KAZN: variants seen among roughly 807,000 people sequenced by gnomAD.
KAZN encodes kazrin.
KAZN carries 40 observed loss-of-function variants against 87.4 expected under a neutral mutation model. The observed-to-expected ratio is 0.46, with a 90% CI of 0.36 to 0.60. The LOEUF (loss-of-function observed/expected upper bound fraction) is 0.60. KAZN is among the 20% of genes least tolerant of loss of function. The pLI is 0.00. For synonymous variants in KAZN, 466 were observed against 458.3 expected, an observed-to-expected ratio of 1.02 and a Z score of -0.22; for missense variants, 898 against 1,073.9, an observed-to-expected ratio of 0.84 and a Z score of 2.29.
rs1557901982 is a variant in KAZN, at chr1:14,704,339, T to C, written c.226+105116T>C. Among the ~76,000 whole-genome samples the C allele has an allele frequency of 2.0e-5, 3 of 152,302 alleles. No individual in the cohort carries two copies. In the East Asian group the frequency reaches 5.8e-4, roughly 29 times the overall value. On this transcript the variant is annotated intron_variant, in intron 1 of 14. Coordinates refer to ENST00000376030, the MANE Select transcript of KAZN (RefSeq NM_201628.3). Reference sequence around the variant, plus strand: ...CTAGACCTTCCATCATACCATGAGGTCAAATATAACATCTCTGGAAGGGAC... The same window carrying C: ...CTAGACCTTCCATCATACCATGAGGCCAAATATAACATCTCTGGAAGGGAC...
intron 1 of KAZN, among the ~76,000 whole-genome samples, chr1:14,918,675 CAAAAAAAAAAAAAA>C (rs1158537283): frequency 2.2e-4 from 8 of 37,066 alleles, no homozygotes; most frequent in African/African-American, 6.0e-4. Flanking sequence ...GACTCCATCT[CAAAAAAAAAAAAAA>C]AAAAAAAAAA....
chr1:15,069,357 A>G (rs1557777397), intron 8 of KAZN, among the ~76,000 whole-genome samples: 1 of 152,230 alleles, frequency 6.6e-6, no homozygotes, highest in African/African-American at 2.4e-5. Context: ...CATGCGGGAC[A>G]TATGGCAAAA....
chr1:14,473,493 G>C (rs1668559411), intron 2 of KAZN, among the ~76,000 whole-genome samples: 1 of 152,056 alleles, frequency 6.6e-6, no homozygotes, highest in Admixed American at 6.6e-5. Context: ...TGGGCATGGT[G>C]GCATATGCCT....
At chr1:14,810,252 T>G (rs1229498799) in intron 1 of KAZN, among the ~76,000 whole-genome samples, 1 of 152,084 alleles carries the variant, frequency 6.6e-6, no homozygotes, top group Non-Finnish European at 1.5e-5. Context: ...CTGAACACCT[T>G]TCCTAAGGGA....
At chr1:14,859,156 G>A (rs1190821912) in intron 1 of KAZN, among the ~76,000 whole-genome samples, 3 of 151,108 alleles carry the variant, frequency 2.0e-5, no homozygotes, top group African/African-American at 4.9e-5. Flanking sequence ...GCAGTGAGCC[G>A]AGATTGCGCC....
chr1:15,077,862 G>A lies in KAZN; in HGVS notation c.1222+12109G>A, dbSNP rs952633533. ...CAGGAGAGGTAGCAGGGGGTGTGAG[G>A]AAAGCTAATATGACTTGCTGACATT... On this transcript the variant is annotated intron_variant, in intron 8 of 14. Coordinates refer to ENST00000376030, the MANE Select transcript of KAZN (RefSeq NM_201628.3). The surrounding 1 kb of genome is among the most constrained non-coding windows in gnomAD (Gnocchi z 4.8). Among the ~76,000 whole-genome samples the A allele has an allele frequency of 6.6e-6, 1 of 152,174 alleles. No individual in the cohort carries two copies. Among genetic ancestry groups the A allele is most frequent in the African/African-American group, 2.4e-5 (1 of 41,446 alleles).
At chr1:14,328,051 G>A (rs1656567016) in intron 2 of KAZN, among the ~76,000 whole-genome samples, 1 of 152,078 alleles carries the variant, frequency 6.6e-6, no homozygotes, top group Admixed American at 6.5e-5. Context: ...CTCATGTAAT[G>A]GAAATAACAT....
chr1:14,510,359 C>T (rs549338049), intron 2 of KAZN, among the ~76,000 whole-genome samples: 5 of 137,202 alleles, frequency 3.6e-5, no homozygotes, highest in Admixed American at 7.4e-5. Context: ...GCCTGGGCAA[C>T]GAGAGCAAAA....
At chr1:14,047,602 C>T (rs543036886) in intron 1 of KAZN, among the ~76,000 whole-genome samples, 3 of 152,310 alleles carry the variant, frequency 2.0e-5, no homozygotes, top group Admixed American at 6.5e-5. Flanking sequence ...GGCATGGCGG[C>T]TCAGCCTGTA....
intron 1 of KAZN, among the ~76,000 whole-genome samples, chr1:14,013,528 G>A (rs150250829): frequency 2.7e-3 from 417 of 152,242 alleles, no homozygotes; most frequent in African/African-American, 9.6e-3. Context: ...ACCCACCACT[G>A]TCAGAGGATG....
intron 2 of KAZN, among the ~76,000 whole-genome samples, chr1:14,553,751 C>T (rs1673692350): frequency 6.6e-6 from 1 of 152,134 alleles, no homozygotes; most frequent in South Asian, 2.1e-4. Context: ...CAAACACTAC[C>T]TCCCAACCAC....
chr1:14,419,885 A>AC (rs748326683), intron 2 of KAZN, among the ~76,000 whole-genome samples: 4 of 151,904 alleles, frequency 2.6e-5, no homozygotes, highest in South Asian at 2.1e-4. Context: ...AGACAGTGAG[A>AC]CCCCAAAGAG....
At chr1:13,999,194 A>G (rs2101135886) in intron 1 of KAZN, among the ~76,000 whole-genome samples, 1 of 152,206 alleles carries the variant, frequency 6.6e-6, no homozygotes, top group African/African-American at 2.4e-5. Flanking sequence ...CTAAAAATAG[A>G]AAAAATTAGC....
At chr1:14,520,530 A>G (rs1465455938) in intron 2 of KAZN, among the ~76,000 whole-genome samples, 1 of 152,236 alleles carries the variant, frequency 6.6e-6, no homozygotes, top group Non-Finnish European at 1.5e-5. Flanking sequence ...CTCCATAAAA[A>G]GCAGTGGCTC....
chr1:14,905,815 C>T (rs1202800182), intron 1 of KAZN, among the ~76,000 whole-genome samples: 1 of 150,634 alleles, frequency 6.6e-6, no homozygotes, highest in Non-Finnish European at 1.5e-5. Flanking sequence ...TGCACTCCAG[C>T]CTGGGCGAGA....
At chr1:14,661,588 A>C (rs866861741) in intron 1 of KAZN, among the ~76,000 whole-genome samples, 49 of 149,566 alleles carry the variant, frequency 3.3e-4, no homozygotes, top group Non-Finnish European at 1.9e-4. Context: ...TAGTTTGCTG[A>C]TCCTGGTTAA....
intron 1 of KAZN, among the ~76,000 whole-genome samples, chr1:14,621,807 T>G (rs1678717806): frequency 6.6e-6 from 1 of 152,206 alleles, no homozygotes; most frequent in Non-Finnish European, 1.5e-5. Context: ...CTGCCATGAC[T>G]GTGAGGCCCC....
chr1:13,896,392 C>G (rs1639045087), intron 1 of KAZN, among the ~76,000 whole-genome samples: 1 of 152,134 alleles, frequency 6.6e-6, no homozygotes, highest in Admixed American at 6.5e-5. Flanking sequence ...TAGGCTCAAG[C>G]GATCCTCCCA....
At chr1:14,581,110 A>G (rs183798432) in intron 2 of KAZN, among the ~76,000 whole-genome samples, 1 of 152,140 alleles carries the variant, frequency 6.6e-6, no homozygotes, top group Non-Finnish European at 1.5e-5. Context: ...TTCCAAATTC[A>G]TATTTCCAGC....
Sources: gnomAD v4.1 joint callset for allele counts (sites outside exome capture counted in the v4.1 genomes callset) on GRCh38, gnomAD v4.1.1 for gene constraint, Gnocchi (gnomAD v3.1) non-coding constraint, MANE v1.5 for transcripts, NCBI Gene and HGNC (gene_info 2026-07-23, HGNC 2026-07-21) for gene names.